UBASH3B: variants seen among roughly 807,000 people sequenced by gnomAD.
The protein encoded by UBASH3B is ubiquitin-associated and SH3 domain-containing protein B.
In UBASH3B, 37 loss-of-function variants were observed where a neutral mutation model predicts 83.4. The observed-to-expected ratio is 0.44, with a 90% CI of 0.34 to 0.58. UBASH3B has a LOEUF of 0.58. Among genes scored for constraint, UBASH3B ranks in the 20% least tolerant of loss-of-function variants. The probability of loss-of-function intolerance (pLI) is 0.01; values close to 1 mark genes in which losing one functional copy is unlikely to be tolerated. For missense variants in UBASH3B, 657 were observed against 827.2 expected (o/e 0.79, Z 2.52); for synonymous variants, 304 against 318.3 (o/e 0.96, Z 0.48).
chr11:122,662,967 A>G (rs1458206479), intron 1 of UBASH3B, among the ~76,000 whole-genome samples: 2 of 140,650 alleles, frequency 1.4e-5, no homozygotes, highest in Non-Finnish European at 3.0e-5. Context: ...CTTACGCGCT[A>G]ATGTCTTTTT....
Position 122,661,898 on chromosome 11 carries a change from C to CT in UBASH3B, c.161+5695dup, listed in dbSNP as rs1171148984. On this transcript the variant is annotated intron_variant, in intron 1 of 13. Transcript: ENST00000284273. ...ACAAAAAAAAAAATACCTTGATATG[C>CT]TTTTTTTCTTTTTTTTTTTTTTTTT... 3.2e-5 allele frequency among the ~76,000 whole-genome samples: 4 copies of CT among 124,080 alleles called. No individual in the cohort carries two copies. The East Asian group carries it at 6.3e-4, about 20-fold the overall frequency. The allele number at this position is 124,080 out of a possible 152,430, so 81.4% of individuals were successfully genotyped here.
At chr11:122,672,009 G>C (rs1056137403) in intron 1 of UBASH3B, among the ~76,000 whole-genome samples, 1 of 152,046 alleles carries the variant, frequency 6.6e-6, no homozygotes, top group Non-Finnish European at 1.5e-5. Context: ...AACAGGTCAT[G>C]CAGGGCTACC....
intron 1 of UBASH3B, among the ~76,000 whole-genome samples, chr11:122,732,402 G>A (rs1860858341): frequency 6.6e-6 from 1 of 152,148 alleles, no homozygotes; most frequent in African/African-American, 2.4e-5. Flanking sequence ...TTATGAGTTG[G>A]TTCGCTTGAT....
At chr11:122,769,925 G>T (rs1177287808) in intron 1 of UBASH3B, among the ~76,000 whole-genome samples, 2 of 152,232 alleles carry the variant, frequency 1.3e-5, no homozygotes, top group African/African-American at 4.8e-5. Flanking sequence ...AATTTAACAA[G>T]TGGTATCCAG....
chr11:122,767,069 C>G (rs946402195), intron 1 of UBASH3B, among the ~76,000 whole-genome samples: 15 of 152,014 alleles, frequency 9.9e-5, no homozygotes, highest in African/African-American at 2.4e-5. Context: ...CACGAGGTCA[C>G]GAGATCGAGA....
At chr11:122,794,626 C>G in intron 6 of UBASH3B, 76 bp from the exon 7 acceptor site, 1 of 1,595,238 alleles carries the variant, frequency 6.3e-7, no homozygotes, top group South Asian at 1.1e-5. Context: ...AACTCCCACA[C>G]TCCTGTTGAG....
At chr11:122,674,730 T>G (rs1422776968) in intron 1 of UBASH3B, among the ~76,000 whole-genome samples, 1 of 85,810 alleles carries the variant, frequency 1.2e-5, no homozygotes, top group Non-Finnish European at 2.8e-5. Flanking sequence ...GTTAGTTTTT[T>G]TTTTTTTTTT....
chr11:122,696,673 G>T (rs985043431), intron 1 of UBASH3B, among the ~76,000 whole-genome samples: 1 of 152,188 alleles, frequency 6.6e-6, no homozygotes, highest in Non-Finnish European at 1.5e-5. Flanking sequence ...TAAGTTGCAC[G>T]TGTGTCCGAG....
chr11:122,750,105 G>A (rs1406668578), intron 1 of UBASH3B, among the ~76,000 whole-genome samples: 1 of 152,194 alleles, frequency 6.6e-6, no homozygotes, highest in Non-Finnish European at 1.5e-5. Context: ...AAATCCTGCT[G>A]ATAAATAGCA....
At chr11:122,736,345 T>G (rs1860931738) in intron 1 of UBASH3B, among the ~76,000 whole-genome samples, 1 of 151,970 alleles carries the variant, frequency 6.6e-6, no homozygotes, top group Non-Finnish European at 1.5e-5. Context: ...TTCTGATGCT[T>G]TTAGTTCTGA....
intron 1 of UBASH3B, among the ~76,000 whole-genome samples, chr11:122,711,642 T>C (rs2135936752): frequency 1.3e-5 from 2 of 152,370 alleles, no homozygotes; most frequent in South Asian, 4.1e-4. Flanking sequence ...TACCTCATGC[T>C]GTGTAACGGG....
At chr11:122,780,568 A>G (rs1343668760) in intron 4 of UBASH3B, among the ~76,000 whole-genome samples, 1 of 152,246 alleles carries the variant, frequency 6.6e-6, no homozygotes, top group African/African-American at 2.4e-5. Context: ...GAGGAGTGCT[A>G]CAGGGAAGAG....
intron 5 of UBASH3B, among the ~76,000 whole-genome samples, chr11:122,784,626 T>C (rs1366060560): frequency 6.6e-6 from 1 of 152,226 alleles, no homozygotes; most frequent in Non-Finnish European, 1.5e-5. Flanking sequence ...TTAGTTTACA[T>C]AGCCTTTTAA....
intron 1 of UBASH3B, among the ~76,000 whole-genome samples, chr11:122,719,094 A>G (rs1860579530): frequency 1.3e-5 from 2 of 152,228 alleles, no homozygotes; most frequent in Admixed American, 6.5e-5. Flanking sequence ...TGTTCGAACA[A>G]TCTAAGCATG....
intron 1 of UBASH3B, among the ~76,000 whole-genome samples, chr11:122,706,332 T>C (rs1292459279): frequency 6.6e-6 from 1 of 152,086 alleles, no homozygotes. Context: ...TTAGGCTTAT[T>C]TGGAAGAATC....
chr11:122,699,531 C>CTCTTTT (rs1555137138), intron 1 of UBASH3B, among the ~76,000 whole-genome samples: 1 of 107,866 alleles, frequency 9.3e-6, no homozygotes, highest in African/African-American at 3.5e-5. Context: ...TTCTTTCTTT[C>CTCTTTT]TCTTTCTTTC....
chr11:122,800,220 G>A (rs1355993367), intron 10 of UBASH3B, among the ~76,000 whole-genome samples: 1 of 152,060 alleles, frequency 6.6e-6, no homozygotes, highest in Non-Finnish European at 1.5e-5. Flanking sequence ...TCTTGGTAAG[G>A]CCATCATGGA....
chr11:122,777,629 T>C (rs1188616857), intron 3 of UBASH3B, among the ~76,000 whole-genome samples: 2 of 152,232 alleles, frequency 1.3e-5, no homozygotes, highest in African/African-American at 4.8e-5. Context: ...AAGTTTTTTT[T>C]TTCCCGCTAT....
chr11:122,656,199 C>T lies in UBASH3B; in HGVS notation c.150C>T (p.Pro50=). 1 of 1,482,874 alleles carries T rather than the reference C, an allele frequency of 6.7e-7. No homozygotes were observed. 91.9% of individuals were successfully genotyped at this position (1,482,874 alleles called of 1,614,324 possible). A position where few individuals can be genotyped will look rare whatever the true frequency, so the allele number is the denominator to read the frequency against. Residue 50 remains proline (P), a synonymous_variant, in exon 1 of 14, where the codon CCC becomes CCT. Coordinates refer to ENST00000284273, the MANE Select transcript of UBASH3B (RefSeq NM_032873.5). Reference sequence around the variant, plus strand: ...ACGTGCTCCTCTCCATGGGGTTCCCCAGAGCCCGCGCGTAAGTGGCCGGGC... The same window carrying T: ...ACGTGCTCCTCTCCATGGGGTTCCCTAGAGCCCGCGCGTAAGTGGCCGGGC... ...ALDVLLSMGF[P]RARAQKALAS...
Sources: gnomAD v4.1 joint callset for allele counts (sites outside exome capture counted in the v4.1 genomes callset) on GRCh38, gnomAD v4.1.1 for gene constraint, MANE v1.5 for transcripts, NCBI Gene and HGNC (gene_info 2026-07-23, HGNC 2026-07-21) for gene names.